CAPN12: variants seen among roughly 807,000 people sequenced by gnomAD.
The protein encoded by CAPN12 is calpain 12.
A neutral mutation model predicts 95.0 loss-of-function variants in CAPN12; 107 were observed. That is an observed-to-expected ratio of 1.13 (90% CI 0.96 to 1.32). The LOEUF (loss-of-function observed/expected upper bound fraction) is 1.32, where lower values mean the gene tolerates loss of function less well. Among genes scored for constraint, CAPN12 ranks in the 40% most tolerant of loss-of-function variants. CAPN12 has a pLI of 0.00. For missense variants in CAPN12, 1,136 were observed against 997.8 expected, an observed-to-expected ratio of 1.14 and a Z score of -1.87; for synonymous variants, 505 against 415.5, an observed-to-expected ratio of 1.22 and a Z score of -2.62.
chr19:38,738,897 C>T (rs1042327093), intron 5 of CAPN12: 6 of 541,076 alleles, frequency 1.1e-5, no homozygotes, highest in African/African-American at 1.9e-5. Context: ...TTAGGGAGGT[C>T]GAGGTGGAAG....
chr19:38,732,602 A>C (rs970584186), intron 18 of CAPN12, among the ~76,000 whole-genome samples: 16 of 152,128 alleles, frequency 1.1e-4, no homozygotes, highest in African/African-American at 3.6e-4. Context: ...TAGCCTCCCA[A>C]AGTGCTGGCA....
rs993593682 is a variant in CAPN12 at position 38,730,625 on chromosome 19, C to T, written c.*227G>A. The T allele has an allele frequency of 1.6e-5, 10 of 609,688 alleles. No individual in the cohort carries two copies. The highest frequency in any genetic ancestry group is 5.5e-5 in the African/African-American group (3 of 54,334). The allele number at this position is 609,688 out of a possible 1,614,324, so 37.8% of individuals were successfully genotyped here. On this transcript the variant is annotated 3_prime_UTR_variant, in exon 21 of 21. Coordinates refer to ENST00000328867, the MANE Select transcript of CAPN12 (RefSeq NM_144691.4). Reference sequence around the variant, plus strand: ...AGCTAGCACTGTCTTAAGCTGTCAACGTGGACTAGCTCGTGTCATCTGCTC... The same window carrying T: ...AGCTAGCACTGTCTTAAGCTGTCAATGTGGACTAGCTCGTGTCATCTGCTC...
chr19:38,738,775 A>G (rs908203942), intron 5 of CAPN12, 127 bp from the exon 6 acceptor site: 5 of 759,570 alleles, frequency 6.6e-6, no homozygotes, highest in African/African-American at 5.2e-5. Context: ...CACGCAGCTC[A>G]GAGACCATGT....
Position 38,744,054 on chromosome 19 carries a change from CTGCCCGAAT to C in CAPN12, c.103_111del (p.Ile35_Ala37del). 6.2e-7 allele frequency: 1 copy of C among 1,614,244 alleles called. No individual in the cohort carries two copies. Among genetic ancestry groups the C allele is most frequent in the Non-Finnish European group, 8.5e-7 (1 of 1,180,044 alleles). ...AACAGGATCCCCGAATCCAGGCAGG[CTGCCCGAAT>C]TGCCTCATAGCTCTGGCCCCGAAAA... On this transcript the variant is annotated inframe_deletion, in exon 1 of 21. Coordinates refer to ENST00000328867, the MANE Select transcript of CAPN12 (RefSeq NM_144691.4).
At position 38,735,518 on chromosome 19, in the gene CAPN12, T is replaced by G; in HGVS notation, c.1610A>C (p.Asp537Ala). ...AGTCCCCACCTGGAGAGACTGCAGGTCTGCGCTGATCACGTCGTCGATCTC... is the reference window on the plus strand; with the variant it reads ...AGTCCCCACCTGGAGAGACTGCAGGGCTGCGCTGATCACGTCGTCGATCTC... ...AVEIDDVISA[D>A]LQSLQGPYLP... Residue 537 changes from aspartate (D) to alanine (A), a missense_variant, in exon 13 of 21, where the codon GAC (aspartate) becomes GCC (alanine). By Grantham distance (126) the Asp-to-Ala change is moderately radical. Coordinates refer to ENST00000328867, the MANE Select transcript of CAPN12 (RefSeq NM_144691.4). 6.2e-7 allele frequency: 1 copy of G among 1,610,744 alleles called. No individual in the cohort carries two copies. The highest frequency in any genetic ancestry group is 8.5e-7 in the Non-Finnish European group (1 of 1,179,416).
intron 15 of CAPN12, 184 bp from the exon 16 acceptor site, chr19:38,734,573 C>A: frequency 1.5e-6 from 1 of 664,238 alleles, no homozygotes; most frequent in Non-Finnish European, 2.5e-6. Context: ...GCAGGGGGTG[C>A]CCAGTCTGTG....
Position 38,743,965 on chromosome 19 carries a change from C to T in CAPN12, c.201G>A (p.Ser67=), listed in dbSNP as rs374291113. 1.4e-5 allele frequency: 23 copies of T among 1,614,216 alleles called. No individual in the cohort carries two copies. Among genetic ancestry groups the T allele is most frequent in the East Asian group, 4.5e-5 (2 of 44,884 alleles). ...TCCATTTCACGCCTTTGGCCTTCTC[C>T]GAGTCCGGCCCCAGCTGGTCATAGC... The part of the protein sequence containing the change: ...ALGYDQLGPD[S]EKAKGVKWMR... The change falls in exon 1 of 21, where the codon TCG becomes TCA. Residue 67 remains serine, a synonymous_variant. Transcript: ENST00000328867.
At chr19:38,743,878 C>T (rs1970734464) in intron 1 of CAPN12, 51 bp downstream of exon 1, 1 of 1,571,930 alleles carries the variant, frequency 6.4e-7, no homozygotes, top group Non-Finnish European at 8.7e-7. Flanking sequence ...GTCCATGCCT[C>T]CAGCCCCTCC....
chr19:38,738,692 G>A, intron 5 of CAPN12, 44 bp from the exon 6 acceptor site: 3 of 1,592,194 alleles, frequency 1.9e-6, no homozygotes, highest in Non-Finnish European at 2.6e-6. Flanking sequence ...GGGGACAGGA[G>A]GGCAGCTGCT....
rs1260741562 is a variant in CAPN12, at chr19:38,736,310, G to A, written c.1383C>T (p.Gly461=). ...HVFQIPEELL[G]LWDSPRSHAL... ...CATGGCTGCGCGGGGAATCCCAGAG[G>A]CCCAGCAGCTGGGGACGGGGCGGCA... The change falls in exon 12 of 21, where the codon GGC becomes GGT. Residue 461 remains glycine (G), a synonymous_variant. Coordinates refer to ENST00000328867, the MANE Select transcript of CAPN12 (RefSeq NM_144691.4). The A allele has an allele frequency of 4.2e-6, 6 of 1,444,778 alleles. 1 individual carries two copies. The South Asian group carries it at 5.9e-5, about 14-fold the overall frequency. 89.5% of individuals were successfully genotyped at this position (1,444,778 alleles called of 1,614,324 possible).
At chr19:38,733,994 G>T in intron 17 of CAPN12, 148 bp downstream of exon 17, 5 of 879,796 alleles carry the variant, frequency 5.7e-6, no homozygotes, top group South Asian at 5.1e-5. Flanking sequence ...GGCTGGGTGG[G>T]GGCAGGGATA....
At chr19:38,731,594 G>C (rs1969620066) in intron 18 of CAPN12, 2 of 289,198 alleles carry the variant, frequency 6.9e-6, no homozygotes, top group African/African-American at 4.3e-5. Flanking sequence ...TATGGAGTCA[G>C]TTTCCTTACA....
rs753754607 is a variant in CAPN12, at chr19:38,743,956, G to T, written c.210C>A (p.Ala70=). The T allele has an allele frequency of 1.2e-5, 20 of 1,614,068 alleles. No individual in the cohort carries two copies. The African/African-American group carries it at 1.6e-4, about 13-fold the overall frequency. Residue 70 remains alanine, a synonymous_variant, in exon 1 of 21, where the codon GCC becomes GCA. Coordinates refer to ENST00000328867, the MANE Select transcript of CAPN12 (RefSeq NM_144691.4). The stretch of plus-strand genomic sequence containing the variant: ...GGGGCCTCATCCATTTCACGCCTTT[G>T]GCCTTCTCCGAGTCCGGCCCCAGCT... ...YDQLGPDSEK[A]KGVKWMRPHE...
intron 14 of CAPN12, 94 bp from the exon 15 acceptor site, chr19:38,734,964 C>A: frequency 8.4e-7 from 1 of 1,197,182 alleles, no homozygotes; most frequent in Non-Finnish European, 1.2e-6. Context: ...CTGACAGAGC[C>A]TCAGAGCCCT....
intron 1 of CAPN12, among the ~76,000 whole-genome samples, 196 bp downstream of exon 1, chr19:38,743,733 C>T (rs1272514395): frequency 6.8e-6 from 1 of 146,448 alleles, no homozygotes; most frequent in Non-Finnish European, 1.5e-5. Flanking sequence ...GAGTCCAGGC[C>T]CAGCCCTTCC....
chr19:38,740,537 C>T (rs552139570), intron 4 of CAPN12, among the ~76,000 whole-genome samples: 3 of 152,284 alleles, frequency 2.0e-5, no homozygotes, highest in East Asian at 1.9e-4. Context: ...TGGTGGCTCA[C>T]GCCTGTAATC....
At chr19:38,740,741 AGTGAGCCAAGATCAC>A (rs1970498465) in intron 4 of CAPN12, among the ~76,000 whole-genome samples, 1 of 151,932 alleles carries the variant, frequency 6.6e-6, no homozygotes, top group African/African-American at 2.4e-5. Context: ...CGAAGGTTGC[AGTGAGCCAAGATCAC>A]GCCATTGCAC....
At position 38,730,670 on chromosome 19, in the gene CAPN12, C is replaced by G; in HGVS notation, c.*182G>C. ...CTGCTCGAGAAGGGCTGTCGCTGTTCTTGTTTCTGAGTGAGGAGTACGCAG... is the reference window on the plus strand; with the variant it reads ...CTGCTCGAGAAGGGCTGTCGCTGTTGTTGTTTCTGAGTGAGGAGTACGCAG... On this transcript the variant is annotated 3_prime_UTR_variant, in exon 21 of 21. Coordinates refer to ENST00000328867, the MANE Select transcript of CAPN12 (RefSeq NM_144691.4). 11 of 683,852 alleles carry G rather than the reference C, an allele frequency of 1.6e-5. No individual in the cohort carries two copies. The allele number at this position is 683,852 out of a possible 1,614,324, so 42.4% of individuals were successfully genotyped here.
At chr19:38,735,254 C>T (rs946173181) in intron 14 of CAPN12, 116 bp downstream of exon 14, 44 of 1,041,448 alleles carry the variant, frequency 4.2e-5, no homozygotes, top group African/African-American at 9.7e-5. Context: ...AGATTTAAGC[C>T]CGGAGGGAGG....
Sources: gnomAD v4.1 joint callset for allele counts (sites outside exome capture counted in the v4.1 genomes callset) on GRCh38, gnomAD v4.1.1 for gene constraint, MANE v1.5 for transcripts, NCBI Gene and HGNC (gene_info 2026-07-23, HGNC 2026-07-21) for gene names.